The following CSMD3 variants were observed in gnomAD, a reference collection of about 807,000 sequenced individuals.
CSMD3 encodes the protein CUB and sushi domain-containing protein 3.
In CSMD3, 177 loss-of-function variants were observed where a neutral mutation model predicts 435.2. The ratio of observed to expected loss-of-function variants is 0.41; its 90% CI spans 0.36 to 0.46. The LOEUF is 0.46. CSMD3 is among the 20% of genes least tolerant of loss of function. The probability of loss-of-function intolerance (pLI) is 0.34; values close to 1 mark genes in which losing one functional copy is unlikely to be tolerated. For missense variants in CSMD3, 4,265 were observed against 4,504.6 expected (o/e 0.95, Z 1.52); for synonymous variants, 1,656 against 1,520.5 (o/e 1.09, Z -2.07).
rs56289713 is a variant in CSMD3, at chr8:112,791,319, G to GGA, written c.1972+8842_1972+8843insTC. 2.7e-3 allele frequency among the ~76,000 whole-genome samples: 277 copies of GGA among 103,092 alleles called. 31 individuals carry two copies. Among genetic ancestry groups the GGA allele is most frequent in the Middle Eastern group, 4.6e-3 (1 of 216 alleles). The allele number at this position is 103,092 out of a possible 152,430, so 67.6% of individuals were successfully genotyped here. A position where few individuals can be genotyped will look rare whatever the true frequency, so the allele number is the denominator to read the frequency against. On this transcript the variant is annotated intron_variant, in intron 13 of 70. Coordinates refer to ENST00000297405, the MANE Select transcript of CSMD3 (RefSeq NM_198123.2). ...CCTGGGTGACAGAGGCATATCCTGT[G>GGA]AAAAAAAAAAAAAAAAAAAAAGGAA... is the stretch of plus-strand genomic sequence containing the variant.
At position 112,499,771 on chromosome 8, in the gene CSMD3, C is replaced by T. The variant is rs1821751263; in HGVS notation, c.5083+4019G>A. Among the ~76,000 whole-genome samples the T allele has an allele frequency of 2.0e-5, 3 of 152,028 alleles. No homozygotes were observed. In the South Asian group the frequency reaches 6.2e-4, roughly 32 times the overall value. ...ACATATCAAAATGTTTGCATAGCAG[C>T]TTAAGAGGTTCTTAAATGAAAATGT... On this transcript the variant is annotated intron_variant, in intron 30 of 70. Transcript: ENST00000297405.
intron 32 of CSMD3, among the ~76,000 whole-genome samples, chr8:112,463,984 C>A (rs1335922963): frequency 6.6e-6 from 1 of 152,114 alleles, no homozygotes; most frequent in Non-Finnish European, 1.5e-5. Flanking sequence ...TGCCTGTAAT[C>A]CCAGCACTTT....
chr8:112,985,983 G>A (rs139651606), intron 6 of CSMD3, among the ~76,000 whole-genome samples: 231 of 152,000 alleles, frequency 1.5e-3, no homozygotes, highest in African/African-American at 5.4e-3. Context: ...CCCCACCCCC[G>A]ATCTGTGGAA....
At chr8:112,903,418 A>G (rs1322494785) in intron 10 of CSMD3, among the ~76,000 whole-genome samples, 1 of 151,306 alleles carries the variant, frequency 6.6e-6, no homozygotes, top group Non-Finnish European at 1.5e-5. Flanking sequence ...CGAAAAGAGT[A>G]TAAGATGACT....
intron 3 of CSMD3, among the ~76,000 whole-genome samples, chr8:113,248,145 G>T (rs1251828078): frequency 6.6e-6 from 1 of 151,902 alleles, no homozygotes; most frequent in East Asian, 1.9e-4. Flanking sequence ...TTGAAAATGT[G>T]GGGTATTTTA....
chr8:112,932,510 T>A (rs1322387695), intron 9 of CSMD3, among the ~76,000 whole-genome samples: 1 of 152,074 alleles, frequency 6.6e-6, no homozygotes, highest in African/African-American at 2.4e-5. Flanking sequence ...CCTCCCAAAG[T>A]GCTGGGATTG....
At position 112,747,183 on chromosome 8, in the gene CSMD3, C is replaced by CTTTTTTTTTTTTTTTTT. The variant is rs71309787; in HGVS notation, c.1972+52962_1972+52978dup. Among the ~76,000 whole-genome samples the CTTTTTTTTTTTTTTTTT allele has an allele frequency of 2.2e-4, 6 of 26,950 alleles. 1 individual carries two copies. Among genetic ancestry groups the CTTTTTTTTTTTTTTTTT allele is most frequent in the African/African-American group, 1.3e-3 (5 of 3,836 alleles). The allele number at this position is 26,950 out of a possible 152,430, so 17.7% of individuals were successfully genotyped here. ...TATGATTATTTGTCTGCACACTTCC[C>CTTTTTTTTTTTTTTTTT]TTTTTTTTTTTTTTTTTTTTTTTTT... On this transcript the variant is annotated intron_variant, in intron 13 of 70. Transcript: ENST00000297405.
chr8:113,420,903 C>G (rs940279009), intron 1 of CSMD3, among the ~76,000 whole-genome samples: 3 of 150,888 alleles, frequency 2.0e-5, no homozygotes, highest in Admixed American at 6.6e-5. Context: ...TAGCTGAGAT[C>G]GCCCCATTGC....
intron 3 of CSMD3, among the ~76,000 whole-genome samples, chr8:113,190,587 A>T (rs2092570042): frequency 6.6e-6 from 1 of 151,764 alleles, no homozygotes; most frequent in African/African-American, 2.4e-5. Flanking sequence ...CAACCCTTTT[A>T]ACTGATCTCT....
At chr8:112,799,768 T>G (rs2078917693) in intron 13 of CSMD3, among the ~76,000 whole-genome samples, 2 of 152,076 alleles carry the variant, frequency 1.3e-5, no homozygotes, top group Admixed American at 6.6e-5. Flanking sequence ...GATTTGTACA[T>G]TGGAATATTT....
At chr8:112,310,162 A>G (rs553079927) in intron 50 of CSMD3, 1 of 152,310 alleles carries the variant, frequency 6.6e-6, no homozygotes, top group African/African-American at 2.4e-5. Context: ...TATGACTATG[A>G]CTACACTTAC....
intron 6 of CSMD3, among the ~76,000 whole-genome samples, chr8:113,018,046 G>A (rs555249824): frequency 6.6e-6 from 1 of 151,726 alleles, no homozygotes; most frequent in South Asian, 2.1e-4. Context: ...GATTTTCTAC[G>A]TGGACTTTGT....
intron 1 of CSMD3, among the ~76,000 whole-genome samples, chr8:113,323,153 G>C (rs1207008670): frequency 6.6e-6 from 1 of 152,060 alleles, no homozygotes; most frequent in East Asian, 1.9e-4. Context: ...CCTAATCACT[G>C]TCTGAAATTA....
At chr8:112,921,796 C>T in intron 9 of CSMD3, 45 bp from the exon 10 acceptor site, 1 of 1,477,056 alleles carries the variant, frequency 6.8e-7, no homozygotes. Context: ...AAAGATGCAA[C>T]ATAATAACTA....
Position 112,943,763 on chromosome 8 carries a change from T to A in CSMD3, c.1508+4027A>T, listed in dbSNP as rs569152822. Among the ~76,000 whole-genome samples the A allele has an allele frequency of 5.9e-5, 9 of 151,826 alleles. No individual in the cohort carries two copies. The East Asian group carries it at 1.7e-3, about 29-fold the overall frequency. The stretch of plus-strand genomic sequence containing the variant: ...GTTCTTTTTCCCCCTTTGAAACAGA[T>A]GAGTCTACAAATACTTCAACTTCTG... On this transcript the variant is annotated intron_variant, in intron 9 of 70. Transcript: ENST00000297405.
intron 1 of CSMD3, among the ~76,000 whole-genome samples, chr8:113,421,248 T>C (rs2094607524): frequency 6.6e-6 from 1 of 151,994 alleles, no homozygotes; most frequent in Non-Finnish European, 1.5e-5. Flanking sequence ...TTAAGCAGGG[T>C]TTGTCCCAAG....
At chr8:113,405,274 T>C (rs2094527576) in intron 1 of CSMD3, among the ~76,000 whole-genome samples, 2 of 151,462 alleles carry the variant, frequency 1.3e-5, no homozygotes, top group Non-Finnish European at 1.5e-5. Flanking sequence ...TATTTTTGAG[T>C]TTTCACAAGA....
intron 5 of CSMD3, among the ~76,000 whole-genome samples, chr8:113,048,345 G>A (rs1462108774): frequency 6.6e-6 from 1 of 151,884 alleles, no homozygotes; most frequent in Non-Finnish European, 1.5e-5. Context: ...CGCCCGCCTC[G>A]GCCTCCCAAA....
chr8:112,738,942 A>T (rs561854396), intron 13 of CSMD3, among the ~76,000 whole-genome samples: 2 of 151,846 alleles, frequency 1.3e-5, no homozygotes, highest in East Asian at 3.9e-4. Flanking sequence ...ATCTTGAAGT[A>T]TTAAGACTTT....
Sources: gnomAD v4.1 joint callset for allele counts (sites outside exome capture counted in the v4.1 genomes callset) on GRCh38, gnomAD v4.1.1 for gene constraint, MANE v1.5 for transcripts, NCBI Gene and HGNC (gene_info 2026-07-23, HGNC 2026-07-21) for gene names.